Variants in CRAMP1 observed in about 807,000 individuals in gnomAD.
The protein encoded by CRAMP1 is protein cramped-like.
In CRAMP1, 50 loss-of-function variants were observed where a neutral mutation model predicts 115.4. That is an observed-to-expected ratio of 0.43 (90% confidence interval 0.35 to 0.55). The LOEUF (loss-of-function observed/expected upper bound fraction) is 0.55, where lower values mean the gene tolerates loss of function less well. CRAMP1 is among the 20% of genes least tolerant of loss of function. The pLI is 0.01. For missense variants in CRAMP1, 1,679 were observed against 1,721.7 expected (o/e 0.98, Z 0.44); for synonymous variants, 866 against 745.4 (o/e 1.16, Z -2.64).
intron 2 of CRAMP1, 186 bp from the exon 3 acceptor site, chr16:1,625,787 A>T: frequency 1.8e-6 from 1 of 543,956 alleles, no homozygotes. Flanking sequence ...GGCCAGGTAA[A>T]GATCCTGGCA....
At chr16:1,629,913 C>A (rs1596484617) in intron 3 of CRAMP1, among the ~76,000 whole-genome samples, 1 of 151,798 alleles carries the variant, frequency 6.6e-6, no homozygotes, top group East Asian at 1.9e-4. Flanking sequence ...CTCCCTCAGC[C>A]CCTGTGTTGC....
At chr16:1,653,908 A>G (rs1445625601) in intron 8 of CRAMP1, among the ~76,000 whole-genome samples, 1 of 151,798 alleles carries the variant, frequency 6.6e-6, no homozygotes, top group Non-Finnish European at 1.5e-5. Flanking sequence ...TTGGGAGGCC[A>G]AGGCAGGTGG....
Position 1,614,735 on chromosome 16 carries a change from G to T in CRAMP1, c.96G>T (p.Gly32=), listed in dbSNP as rs1326863139. ...AADEESLEGE[G]AGGADAAEES... ...ATGAGGAGTCCCTGGAAGGAGAAGG[G>T]GCCGGCGGCGCAGACGCGGCCGAGG... Residue 32 remains glycine, a synonymous_variant, in exon 2 of 21, where the codon GGG becomes GGT. Coordinates refer to ENST00000397412, the MANE Select transcript of CRAMP1 (RefSeq NM_020825.4). The surrounding 1 kb of genome is among the most constrained non-coding windows in gnomAD (Gnocchi z 4.4). 2 of 1,369,912 alleles carry T rather than the reference G, an allele frequency of 1.5e-6. No individual in the cohort carries two copies. Among genetic ancestry groups the T allele is most frequent in the Non-Finnish European group, 1.9e-6 (2 of 1,049,506 alleles). 84.9% of individuals were successfully genotyped at this position (1,369,912 alleles called of 1,614,324 possible). A position where few individuals can be genotyped will look rare whatever the true frequency, so the allele number is the denominator to read the frequency against.
chr16:1,643,153 T>C (rs1293490793), intron 6 of CRAMP1, among the ~76,000 whole-genome samples: 3 of 152,112 alleles, frequency 2.0e-5, no homozygotes, highest in Non-Finnish European at 4.4e-5. Context: ...GGCTGCGTGA[T>C]AGAGTGTAGT....
At chr16:1,647,978 A>G (rs2036690981) in intron 6 of CRAMP1, among the ~76,000 whole-genome samples, 1 of 152,110 alleles carries the variant, frequency 6.6e-6, no homozygotes, top group Admixed American at 6.5e-5. Context: ...TGGCTTTCGC[A>G]CTTGAACATG....
rs777928469 is a variant in CRAMP1, at chr16:1,657,013, C to A, written c.2235+21C>A. 28 of 1,483,698 alleles carry A rather than the reference C, an allele frequency of 1.9e-5. 1 individual carries two copies. The South Asian group carries it at 3.2e-4, about 17-fold the overall frequency. The allele number at this position is 1,483,698 out of a possible 1,614,324, so 91.9% of individuals were successfully genotyped here. On this transcript the variant is annotated intron_variant, in intron 10 of 20. Coordinates refer to ENST00000397412, the MANE Select transcript of CRAMP1 (RefSeq NM_020825.4). ...AGCTGGTGAGTGGGTTGGAGCCCAG[C>A]CCCTCTGGCGGCCCAAGGGAAGCCA...
At chr16:1,649,276 G>A (rs1195038408) in intron 6 of CRAMP1, among the ~76,000 whole-genome samples, 3 of 152,146 alleles carry the variant, frequency 2.0e-5, no homozygotes, top group Non-Finnish European at 4.4e-5. Context: ...AAGGCACTCA[G>A]TCAGTAGTTG....
chr16:1,615,764 C>T (rs968144983), intron 2 of CRAMP1, among the ~76,000 whole-genome samples: 2 of 152,176 alleles, frequency 1.3e-5, no homozygotes, highest in East Asian at 1.9e-4. Flanking sequence ...CTTTTCCTTA[C>T]GCAGGTGAAT....
intron 3 of CRAMP1, among the ~76,000 whole-genome samples, chr16:1,627,446 G>A (rs1438197446): frequency 1.3e-5 from 2 of 152,198 alleles, no homozygotes; most frequent in Non-Finnish European, 2.9e-5. Context: ...TTGGGGTGAT[G>A]GAGAAGTCTT....
Position 1,667,380 on chromosome 16 carries a change from C to T in CRAMP1, c.3082C>T (p.Pro1028Ser). Residue 1028 changes from proline to serine, a missense_variant, in exon 17 of 21, where the codon CCA becomes TCA. Around this residue, in one of 8 missense-constraint regions of CRAMP1, gnomAD observed 709 missense variants for 741.9 expected, o/e 0.96. Transcript: ENST00000397412. ...VSIPSRPEQE[P>S]VADSFQGSSV... ...CATCCCTTCGAGGCCTGAGCAGGAG[C>T]CAGTGGCAGACAGTTTCCAGGTAGA... 6.2e-7 allele frequency: 1 copy of T among 1,612,968 alleles called. No individual in the cohort carries two copies. Among genetic ancestry groups the T allele is most frequent in the East Asian group, 2.2e-5 (1 of 44,876 alleles).
rs1298496299 is a variant in CRAMP1 at position 1,614,413 on chromosome 16, G to A, written c.-1-226G>A. 6.9e-6 allele frequency among the ~76,000 whole-genome samples: 1 copy of A among 145,168 alleles called. No homozygotes were observed. Among genetic ancestry groups the A allele is most frequent in the African/African-American group, 2.5e-5 (1 of 40,496 alleles). On this transcript the variant is annotated intron_variant, in intron 1 of 20. Transcript: ENST00000397412. This position sits in a 1 kb window ranked among gnomAD's most constrained non-coding sequence, Gnocchi z 4.4. ...TGGACGCGAGCCTCGGCCAGGGGGC[G>A]TCCGGGGAGGCCCGGGAGGGTCCCG...
chr16:1,662,440 C>T (rs748608414), intron 11 of CRAMP1, 50 bp from the exon 12 acceptor site: 3 of 1,449,958 alleles, frequency 2.1e-6, no homozygotes, highest in Non-Finnish European at 2.9e-6. Context: ...GACCCTGGAC[C>T]TGTTGCTAGG....
chr16:1,655,395 C>A, intron 9 of CRAMP1, 95 bp downstream of exon 9: 2 of 989,550 alleles, frequency 2.0e-6, no homozygotes, highest in South Asian at 1.3e-5. Flanking sequence ...TCGTCATGGT[C>A]CCCGTGGGCA....
At chr16:1,616,036 G>T (rs1194186758) in intron 2 of CRAMP1, among the ~76,000 whole-genome samples, 1 of 152,220 alleles carries the variant, frequency 6.6e-6, no homozygotes, top group African/African-American at 2.4e-5. Flanking sequence ...ACCGAAGAAG[G>T]CTGGCCTCCG....
chr16:1,641,142 T>A lies in CRAMP1; in HGVS notation c.782T>A (p.Met261Lys). ...TATTTATTTTTTCCATTTAAAGGTA[T>A]GGATGACAAGAATGCAACAAAGCTG... The part of the protein sequence containing the change: ...GELRKKIGGC[M>K]DDKNATKLNE... Residue 261 changes from methionine (M) to lysine (K), a missense_variant, in exon 6 of 21, where the codon ATG becomes AAG. Met to Lys is a moderately conservative substitution (Grantham distance 95, BLOSUM62 -1). Transcript: ENST00000397412. The A allele has an allele frequency of 6.2e-7, 1 of 1,610,006 alleles. No homozygotes were observed. The highest frequency in any genetic ancestry group is 2.2e-5 in the East Asian group (1 of 44,842).
chr16:1,667,507 CTG>C lies in CRAMP1; in HGVS notation c.3102+110_3102+111del, dbSNP rs2036885936. The C allele has an allele frequency of 8.2e-6, 7 of 854,060 alleles. No individual in the cohort carries two copies. In the East Asian group the frequency reaches 1.8e-4, roughly 22 times the overall value. 52.9% of individuals were successfully genotyped at this position (854,060 alleles called of 1,614,324 possible). A position where few individuals can be genotyped will look rare whatever the true frequency, so the allele number is the denominator to read the frequency against. On this transcript the variant is annotated intron_variant, in intron 17 of 20. Coordinates refer to ENST00000397412, the MANE Select transcript of CRAMP1 (RefSeq NM_020825.4). Reference sequence around the variant, plus strand: ...GGAGTGGCCCGGCTTCTCTCCTAGACTGTGCAGTGGCTTTGCTGTTCTTCCAC... The same window carrying C: ...GGAGTGGCCCGGCTTCTCTCCTAGACTGCAGTGGCTTTGCTGTTCTTCCAC...
At chr16:1,646,953 G>C (rs539200597) in intron 6 of CRAMP1, 5 of 691,368 alleles carry the variant, frequency 7.2e-6, no homozygotes, top group African/African-American at 7.0e-5. Context: ...TCAGTTGACT[G>C]TACCGTGTGG....
intron 6 of CRAMP1, among the ~76,000 whole-genome samples, chr16:1,652,061 A>G (rs1008645568): frequency 6.6e-6 from 1 of 151,988 alleles, no homozygotes; most frequent in Non-Finnish European, 1.5e-5. Context: ...GGTCACGGAG[A>G]GGTAGACTGA....
At chr16:1,668,499 A>G (rs2036895135) in intron 18 of CRAMP1, among the ~76,000 whole-genome samples, 1 of 152,174 alleles carries the variant, frequency 6.6e-6, no homozygotes, top group African/African-American at 2.4e-5. Context: ...GAACCTGAGC[A>G]GGCGGCCTGG....
Sources: gnomAD v4.1 joint callset for allele counts (sites outside exome capture counted in the v4.1 genomes callset) on GRCh38, gnomAD v4.1.1 for gene constraint, gnomAD v4.1.1 regional missense constraint, Gnocchi (gnomAD v3.1) non-coding constraint, MANE v1.5 for transcripts, NCBI Gene and HGNC (gene_info 2026-07-23, HGNC 2026-07-21) for gene names.